ABCA5: variants seen among roughly 807,000 people sequenced by gnomAD.
ABCA5 encodes ATP binding cassette subfamily A member 5, also known as cholesterol transporter ABCA5.
In ABCA5, 163 loss-of-function variants were observed where a neutral mutation model predicts 206.0. The observed-to-expected ratio is 0.79, with a 90% confidence interval of 0.70 to 0.90. The LOEUF is 0.90. Among genes scored for constraint, ABCA5 ranks in the 40% least tolerant of loss-of-function variants. The pLI is 0.00. For missense variants in ABCA5, 1,859 were observed against 1,912.9 expected (o/e 0.97, Z 0.53); for synonymous variants, 609 against 613.8 (o/e 0.99, Z 0.11).
intron 10 of ABCA5, among the ~76,000 whole-genome samples, chr17:69,296,702 C>T (rs1449515777): frequency 3.3e-5 from 5 of 152,204 alleles, no homozygotes; most frequent in African/African-American, 9.6e-5. Context: ...TGGTGGCTTA[C>T]GCCTGTAATC....
At chr17:69,275,992 G>C (rs1224155045) in intron 19 of ABCA5, among the ~76,000 whole-genome samples, 2 of 151,126 alleles carry the variant, frequency 1.3e-5, no homozygotes, top group African/African-American at 4.9e-5. Flanking sequence ...GCAGCCATCA[G>C]AATTGTGAGA....
intron 9 of ABCA5, among the ~76,000 whole-genome samples, chr17:69,300,311 A>T (rs1426049708): frequency 6.6e-6 from 1 of 152,170 alleles, no homozygotes; most frequent in Non-Finnish European, 1.5e-5. Flanking sequence ...CAGGAGGTGG[A>T]GCTCAGGTGG....
At chr17:69,298,433 T>C (rs1199806001) in intron 9 of ABCA5, among the ~76,000 whole-genome samples, 2 of 152,038 alleles carry the variant, frequency 1.3e-5, no homozygotes, top group Non-Finnish European at 2.9e-5. Context: ...ATACCTACAC[T>C]CCTCATTTTT....
At chr17:69,311,403 C>T (rs1348627175) in intron 3 of ABCA5, among the ~76,000 whole-genome samples, 1 of 152,058 alleles carries the variant, frequency 6.6e-6, no homozygotes, top group Non-Finnish European at 1.5e-5. Context: ...ATACAGAAGT[C>T]TAAAAAAATT....
At chr17:69,282,048 T>C (rs1598174697) in intron 18 of ABCA5, among the ~76,000 whole-genome samples, 1 of 152,184 alleles carries the variant, frequency 6.6e-6, no homozygotes, top group African/African-American at 2.4e-5. Flanking sequence ...GTAAACTGAA[T>C]AGATCCACCT....
chr17:69,250,462 A>C lies in ABCA5; in HGVS notation c.4685+10T>G. On this transcript the variant is annotated intron_variant, in intron 36 of 38. Transcript: ENST00000392676. ...ATAAAGAAATATAACCACATTCTTT[A>C]AAATTTTACCTTTCCTGACGGCTTG... 1 of 1,600,650 alleles carries C rather than the reference A, an allele frequency of 6.2e-7. No homozygotes were observed. The highest frequency in any genetic ancestry group is 1.7e-4 in the Middle Eastern group (1 of 5,990).
At chr17:69,308,978 T>C (rs2075744883) in intron 4 of ABCA5, among the ~76,000 whole-genome samples, 1 of 152,070 alleles carries the variant, frequency 6.6e-6, no homozygotes, top group Admixed American at 6.6e-5. Context: ...AAAAGAGATT[T>C]AGAAAGTCAT....
intron 9 of ABCA5, among the ~76,000 whole-genome samples, chr17:69,300,808 A>G (rs191962019): frequency 2.6e-5 from 4 of 152,278 alleles, no homozygotes; most frequent in African/African-American, 7.2e-5. Flanking sequence ...AAATGGTAGG[A>G]GTTACAAGAT....
intron 9 of ABCA5, among the ~76,000 whole-genome samples, chr17:69,298,189 A>AGG (rs2075603246): frequency 1.4e-5 from 2 of 138,460 alleles, no homozygotes; most frequent in Non-Finnish European, 3.1e-5. Context: ...CTGTCTCAAA[A>AGG]AAGACACAGC....
intron 28 of ABCA5, among the ~76,000 whole-genome samples, chr17:69,256,656 A>G (rs895296519): frequency 1.3e-5 from 2 of 151,152 alleles, no homozygotes; most frequent in Non-Finnish European, 3.0e-5. Context: ...GGGTTTCACC[A>G]TGTTGCCCAG....
chr17:69,287,557 T>A, intron 15 of ABCA5, 56 bp downstream of exon 15: 1 of 1,562,382 alleles, frequency 6.4e-7, no homozygotes, highest in East Asian at 2.3e-5. Flanking sequence ...CATCTCTATA[T>A]CCATCTTCCT....
intron 1 of ABCA5, among the ~76,000 whole-genome samples, chr17:69,317,456 T>C (rs1056743469): frequency 7.4e-6 from 1 of 135,780 alleles, no homozygotes; most frequent in African/African-American, 2.7e-5. Context: ...ACAATTAAAA[T>C]GAACATACAA....
intron 18 of ABCA5, among the ~76,000 whole-genome samples, chr17:69,280,108 G>T (rs1416418476): frequency 5.3e-5 from 8 of 152,106 alleles, no homozygotes; most frequent in East Asian, 1.9e-4. Flanking sequence ...CCTACAAAAT[G>T]GGAGAAAATG....
At chr17:69,286,350 A>G (rs2075452654) in intron 15 of ABCA5, 39 bp from the exon 16 acceptor site, 2 of 1,525,108 alleles carry the variant, frequency 1.3e-6, no homozygotes. Context: ...CTAAAGTATC[A>G]ACAGCATTAA....
chr17:69,306,413 T>C (rs1415797746), intron 6 of ABCA5, among the ~76,000 whole-genome samples: 1 of 152,108 alleles, frequency 6.6e-6, no homozygotes, highest in Non-Finnish European at 1.5e-5. Flanking sequence ...TACACAGAAA[T>C]ATACGTGGAG....
At chr17:69,260,021 G>A (rs12941297) in intron 27 of ABCA5, among the ~76,000 whole-genome samples, 59,814 of 151,632 alleles carry the variant, frequency 0.39, 12,640 homozygotes, top group Middle Eastern at 0.51. Context: ...CATATTTTCT[G>A]CCTCTGTATC....
chr17:69,268,490 C>G (rs947447361), intron 22 of ABCA5, among the ~76,000 whole-genome samples: 1 of 151,844 alleles, frequency 6.6e-6, no homozygotes, highest in Non-Finnish European at 1.5e-5. Context: ...TATCCAAGCT[C>G]AGCTTCCTAT....
At chr17:69,267,199 T>G (rs1222085284) in intron 23 of ABCA5, among the ~76,000 whole-genome samples, 10 of 152,144 alleles carry the variant, frequency 6.6e-5, no homozygotes, top group Non-Finnish European at 1.2e-4. Context: ...TTAGAATTTA[T>G]TAAAATAATG....
chr17:69,250,169 T>C (rs1455424538), intron 36 of ABCA5, among the ~76,000 whole-genome samples, 185 bp from the exon 37 acceptor site: 1 of 151,944 alleles, frequency 6.6e-6, no homozygotes, highest in Non-Finnish European at 1.5e-5. Context: ...ACTAAGAATG[T>C]TAAAAAAATT....
Sources: allele counts gnomAD v4.1 joint callset (sites outside exome capture counted in the v4.1 genomes callset), GRCh38; gene constraint gnomAD v4.1.1; transcripts MANE v1.5; gene names NCBI Gene and HGNC (gene_info 2026-07-23, HGNC 2026-07-21).